The following DNAI4 variants were observed in gnomAD, a reference collection of about 807,000 sequenced individuals.
The protein encoded by DNAI4 is WD repeat domain 78.
In DNAI4, 85 loss-of-function variants were observed where a neutral mutation model predicts 105.8. The ratio of observed to expected loss-of-function variants is 0.80; its 90% CI spans 0.67 to 0.96. The LOEUF is 0.96. Ranked by LOEUF, DNAI4 falls within the 40% of genes least tolerant of loss-of-function variation. The pLI is 0.00. For missense variants in DNAI4, 1,014 were observed against 1,005.6 expected (o/e 1.01, Z -0.11); for synonymous variants, 352 against 331.5 (o/e 1.06, Z -0.67).
At chr1:66,917,880 G>A (rs868153507) in intron 1 of DNAI4, among the ~76,000 whole-genome samples, 4 of 152,168 alleles carry the variant, frequency 2.6e-5, no homozygotes, top group African/African-American at 9.7e-5. Context: ...GGAATCAAAC[G>A]TGACTTATGG....
At chr1:66,856,545 C>T (rs1341590893) in intron 7 of DNAI4, among the ~76,000 whole-genome samples, 1 of 151,874 alleles carries the variant, frequency 6.6e-6, no homozygotes, top group Non-Finnish European at 1.5e-5. Context: ...AAACATTTTT[C>T]TCAAGCTCAC....
intron 4 of DNAI4, among the ~76,000 whole-genome samples, chr1:66,879,148 C>T (rs546292993): frequency 6.6e-6 from 1 of 152,156 alleles, no homozygotes; most frequent in African/African-American, 2.4e-5. Context: ...ATAGTTTTAC[C>T]ATCCTAAAAA....
chr1:66,872,619 T>C (rs1646870265), intron 5 of DNAI4, among the ~76,000 whole-genome samples: 1 of 152,224 alleles, frequency 6.6e-6, no homozygotes, highest in Admixed American at 6.5e-5. Context: ...ATGCTGTCAG[T>C]TTAATTGTTC....
At chr1:66,876,407 C>T (rs929275857) in intron 4 of DNAI4, among the ~76,000 whole-genome samples, 10 of 152,100 alleles carry the variant, frequency 6.6e-5, no homozygotes, top group African/African-American at 2.4e-4. Context: ...GTGGCACAGA[C>T]ATGCTAATTA....
At chr1:66,870,935 T>C (rs927185336) in intron 6 of DNAI4, 2 of 157,028 alleles carry the variant, frequency 1.3e-5, no homozygotes, top group African/African-American at 4.8e-5. Context: ...AGCAAACTTC[T>C]CTTTGCCTGT....
At chr1:66,893,075 A>AAG (rs1312598554) in intron 3 of DNAI4, among the ~76,000 whole-genome samples, 154 bp downstream of exon 3, 1 of 141,764 alleles carries the variant, frequency 7.1e-6, no homozygotes, top group African/African-American at 2.9e-5. Flanking sequence ...GAAAGAAAGA[A>AAG]AGAAAGAAAG....
chr1:66,834,274 C>A, intron 11 of DNAI4, 126 bp from the exon 12 acceptor site: 1 of 633,306 alleles, frequency 1.6e-6, no homozygotes, highest in Non-Finnish European at 2.4e-6. Context: ...TTTTATTGTT[C>A]AAAAATAGAC....
At chr1:66,814,292 A>AG (rs1305803724) in intron 16 of DNAI4, 112 bp from the exon 17 acceptor site, 1 of 722,258 alleles carries the variant, frequency 1.4e-6, no homozygotes, top group Non-Finnish European at 2.2e-6. Flanking sequence ...ATATCCAATA[A>AG]GATTGTAAAA....
chr1:66,848,182 A>T, intron 7 of DNAI4: 2 of 456,184 alleles, frequency 4.4e-6, no homozygotes, highest in Admixed American at 4.7e-5. Flanking sequence ...GTTTTAAAGG[A>T]GAATTTGTTT....
chr1:66,822,257 T>C, intron 16 of DNAI4, 104 bp downstream of exon 16: 4 of 1,069,064 alleles, frequency 3.7e-6, no homozygotes, highest in East Asian at 2.7e-5. Context: ...TCTTTTATTA[T>C]ATTACACCTA....
chr1:66,822,563 T>C (rs1645653443), intron 15 of DNAI4, 46 bp from the exon 16 acceptor site: 1 of 1,439,254 alleles, frequency 6.9e-7, no homozygotes, highest in East Asian at 2.6e-5. Flanking sequence ...TATATTAATA[T>C]GGTCTTTTAA....
intron 1 of DNAI4, among the ~76,000 whole-genome samples, chr1:66,911,168 T>C (rs1569876908): frequency 1.3e-5 from 2 of 152,182 alleles, no homozygotes; most frequent in South Asian, 2.1e-4. Flanking sequence ...TTGGGTTCAG[T>C]TAATTTGCTA....
intron 16 of DNAI4, among the ~76,000 whole-genome samples, chr1:66,816,566 T>G (rs1645521300): frequency 6.6e-6 from 1 of 152,172 alleles, no homozygotes; most frequent in African/African-American, 2.4e-5. Flanking sequence ...AACTAATTAA[T>G]GGTTTTTTGT....
chr1:66,842,665 G>T (rs1190094912), intron 8 of DNAI4, among the ~76,000 whole-genome samples: 5 of 152,080 alleles, frequency 3.3e-5, no homozygotes, highest in Non-Finnish European at 7.4e-5. Flanking sequence ...CCAAAGTGCT[G>T]GGATTACAGG....
chr1:66,907,468 C>T (rs1041078062), intron 1 of DNAI4, among the ~76,000 whole-genome samples: 1 of 152,114 alleles, frequency 6.6e-6, no homozygotes, highest in East Asian at 1.9e-4. Context: ...AAATCCGGTC[C>T]TCCCATTCCC....
chr1:66,839,365 C>T (rs913241622), intron 9 of DNAI4, among the ~76,000 whole-genome samples: 31 of 152,156 alleles, frequency 2.0e-4, no homozygotes, highest in Admixed American at 1.3e-3. Flanking sequence ...TACTTTACTT[C>T]GTTACAAAAT....
chr1:66,890,776 GGAA>G lies in DNAI4; in HGVS notation c.643+375_643+377del. 3.7e-6 allele frequency: 1 copy of G among 271,826 alleles called. No homozygotes were observed. The highest frequency in any genetic ancestry group is 7.0e-6 in the Non-Finnish European group (1 of 143,356). The allele number at this position is 271,826 out of a possible 1,614,324, so 16.8% of individuals were successfully genotyped here. ...AGGAGGAGGAGGAAGAGGAAGAAGA[GGAA>G]GAGGAGGAAGAAGAAGTGAGGAAGA... On this transcript the variant is annotated intron_variant, in intron 4 of 16. Coordinates refer to ENST00000371026, the MANE Select transcript of DNAI4 (RefSeq NM_024763.5). This position sits in a 1 kb window ranked among gnomAD's most constrained non-coding sequence, Gnocchi z 4.1.
chr1:66,886,447 A>G (rs1273252963), intron 4 of DNAI4, among the ~76,000 whole-genome samples: 2 of 152,224 alleles, frequency 1.3e-5, no homozygotes, highest in African/African-American at 4.8e-5. Context: ...CTGAGGTAAT[A>G]AGGCCTTCAG....
intron 4 of DNAI4, among the ~76,000 whole-genome samples, chr1:66,875,191 T>C (rs181866472): frequency 6.6e-6 from 1 of 152,198 alleles, no homozygotes; most frequent in Non-Finnish European, 1.5e-5. Context: ...ACTCTAAGGG[T>C]ATTCCATTAT....
Sources: gnomAD v4.1 joint callset for allele counts (sites outside exome capture counted in the v4.1 genomes callset) on GRCh38, gnomAD v4.1.1 for gene constraint, Gnocchi (gnomAD v3.1) non-coding constraint, MANE v1.5 for transcripts, NCBI Gene and HGNC (gene_info 2026-07-23, HGNC 2026-07-21) for gene names.